Variants in EML5 observed in about 807,000 individuals in gnomAD.
The protein encoded by EML5 is echinoderm microtubule-associated protein-like 5.
EML5 carries 120 observed loss-of-function variants against 250.0 expected under a neutral mutation model. That is an observed-to-expected ratio of 0.48 (90% CI 0.41 to 0.56). The LOEUF (loss-of-function observed/expected upper bound fraction) is 0.56. EML5 is among the 20% of genes least tolerant of loss of function. The pLI is 0.00. For synonymous variants in EML5, 771 were observed against 806.5 expected (o/e 0.96, Z 0.75); for missense variants, 2,006 against 2,437.6 (o/e 0.82, Z 3.73).
chr14:88,782,341 C>A (rs1242027789), intron 1 of EML5, among the ~76,000 whole-genome samples: 1 of 152,096 alleles, frequency 6.6e-6, no homozygotes, highest in Non-Finnish European at 1.5e-5. Flanking sequence ...GGAAGCAGAG[C>A]ATGAAAGTTT....
At chr14:88,669,183 T>TC (rs2092390849) in intron 21 of EML5, among the ~76,000 whole-genome samples, 1 of 152,028 alleles carries the variant, frequency 6.6e-6, no homozygotes, top group African/African-American at 2.4e-5. Context: ...GATCAGGAGA[T>TC]CCCCTCCGTG....
chr14:88,737,064 C>T lies in EML5; in HGVS notation c.848-499G>A, dbSNP rs1379342484. 1.3e-5 allele frequency among the ~76,000 whole-genome samples: 2 copies of T among 152,046 alleles called. 1 individual carries two copies. The highest frequency in any genetic ancestry group is 3.9e-4 in the East Asian group (2 of 5,176). ...TTTTGTCACTCAGTAAAACTCTTTG[C>T]CTTGCTCACCTGCCAGCTGCCAGTA... On this transcript the variant is annotated intron_variant, in intron 6 of 43. Transcript: ENST00000554922.
At chr14:88,754,812 T>C (rs965359794) in intron 1 of EML5, 141 bp from the exon 2 acceptor site, 2 of 800,910 alleles carry the variant, frequency 2.5e-6, no homozygotes, top group East Asian at 2.8e-5. Context: ...TTTTAAAAAT[T>C]ATTTTTGTTG....
At chr14:88,718,146 T>TGA (rs1313699608) in intron 8 of EML5, among the ~76,000 whole-genome samples, 39 of 152,154 alleles carry the variant, frequency 2.6e-4, no homozygotes, top group Admixed American at 2.0e-4. Context: ...CATAGACAGA[T>TGA]GATCAGTTTG....
At chr14:88,736,275 G>C in intron 7 of EML5, 89 bp downstream of exon 7, 1 of 1,444,140 alleles carries the variant, frequency 6.9e-7, no homozygotes, top group Non-Finnish European at 9.6e-7. Context: ...CTGGGATTAC[G>C]GGCGTGAGCC....
intron 41 of EML5, chr14:88,617,909 A>C (rs2087999303): frequency 5.4e-6 from 1 of 183,918 alleles, no homozygotes; most frequent in South Asian, 1.4e-4. Flanking sequence ...ATAGAGAATT[A>C]ATAACAGTTG....
At position 88,717,083 on chromosome 14, in the gene EML5, C is replaced by T. The variant is rs80200024; in HGVS notation, c.1188-1888G>A. ...TACAGAGTTGATCAGAGCATACAACCGAAGAATCATTTCTAGCTGAGTGAT... is the reference window on the plus strand; with the variant it reads ...TACAGAGTTGATCAGAGCATACAACTGAAGAATCATTTCTAGCTGAGTGAT... On this transcript the variant is annotated intron_variant, in intron 8 of 43. Coordinates refer to ENST00000554922, the MANE Select transcript of EML5 (RefSeq NM_183387.3). Among the ~76,000 whole-genome samples the T allele has an allele frequency of 8.5e-3, 1,289 of 152,158 alleles. 15 individuals carry two copies. Among genetic ancestry groups the T allele is most frequent in the African/African-American group, 0.03 (1,232 of 41,510 alleles).
intron 38 of EML5, 92 bp from the exon 39 acceptor site, chr14:88,621,018 G>A (rs1422893515): frequency 1.4e-6 from 2 of 1,479,628 alleles, no homozygotes; most frequent in Non-Finnish European, 1.8e-6. Flanking sequence ...ATGCTCAACA[G>A]AATTCTGGCA....
In EML5 at chr14:88,634,170, TG is replaced by T. The variant is rs536717418; in HGVS notation, c.4357+298del. Among the ~76,000 whole-genome samples, 35 of 152,306 alleles carry T rather than the reference TG, an allele frequency of 2.3e-4. No homozygotes were observed. In the South Asian group the frequency reaches 7.2e-3, roughly 32 times the overall value. On this transcript the variant is annotated intron_variant, in intron 33 of 43. Transcript: ENST00000554922. ...TGTGATTGTGAGTTCTCATGAGATC[TG>T]CTCGTTTAAACGTGTAGTACCTCCC...
chr14:88,612,582 T>C lies in EML5; in HGVS notation c.*3236A>G, dbSNP rs904708713. 3 of 152,642 alleles carry C rather than the reference T, an allele frequency of 2.0e-5. No homozygotes were observed. The highest frequency in any genetic ancestry group is 7.2e-5 in the African/African-American group (3 of 41,454). The allele number at this position is 152,642 out of a possible 1,614,324, so 9.5% of individuals were successfully genotyped here. ...AGTCACAAGATTATAAATGTACATA[T>C]ATATTCTCACATTCTGAAAAATAAC... On this transcript the variant is annotated 3_prime_UTR_variant, in exon 44 of 44. Coordinates refer to ENST00000554922, the MANE Select transcript of EML5 (RefSeq NM_183387.3).
intron 1 of EML5, among the ~76,000 whole-genome samples, chr14:88,760,514 T>C (rs562601776): frequency 6.6e-6 from 1 of 152,204 alleles, no homozygotes; most frequent in Non-Finnish European, 1.5e-5. Context: ...TTTTACACCA[T>C]TAACCTATGT....
intron 11 of EML5, 149 bp downstream of exon 11, chr14:88,706,110 A>T: frequency 1.4e-6 from 1 of 711,804 alleles, no homozygotes; most frequent in Non-Finnish European, 2.2e-6. Flanking sequence ...AAACATATAG[A>T]ACTAATATTT....
intron 21 of EML5, among the ~76,000 whole-genome samples, chr14:88,676,882 G>A (rs143194672): frequency 6.6e-6 from 1 of 152,210 alleles, no homozygotes; most frequent in Non-Finnish European, 1.5e-5. Context: ...CAAGCAATGG[G>A]GAGAGGATTT....
chr14:88,714,980 G>T lies in EML5; in HGVS notation c.1403C>A (p.Thr468Lys). 1 of 1,612,662 alleles carries T rather than the reference G, an allele frequency of 6.2e-7. No homozygotes were observed. The highest frequency in any genetic ancestry group is 8.5e-7 in the Non-Finnish European group (1 of 1,179,566). ...AAGTCTTTTCCCATTTCCATCATTT[G>T]TCTGCAAATATCTACTGTCTGAAGA... is the stretch of plus-strand genomic sequence containing the variant. ...DWSSDSRYLQ[T>K]NDGNGKRLFY... The change falls in exon 9 of 44, where the codon ACA (threonine) becomes AAA (lysine). Residue 468 changes from threonine (T) to lysine (K), a missense_variant. By Grantham distance (78) the Thr-to-Lys change is moderately conservative (BLOSUM62 -1). Around this residue, in one of 7 missense-constraint regions of EML5, gnomAD observed 1,375 missense variants for 1,590.3 expected, o/e 0.86. Coordinates refer to ENST00000554922, the MANE Select transcript of EML5 (RefSeq NM_183387.3).
chr14:88,631,219 CTT>C (rs1180770678), intron 33 of EML5, among the ~76,000 whole-genome samples: 1 of 152,136 alleles, frequency 6.6e-6, no homozygotes, highest in Non-Finnish European at 1.5e-5. Context: ...GCTAACTTTT[CTT>C]TTTTCTTTTT....
At chr14:88,705,823 A>G (rs1294393371) in intron 11 of EML5, 4 of 637,634 alleles carry the variant, frequency 6.3e-6, no homozygotes, top group Non-Finnish European at 1.2e-5. Context: ...TGGCTCCCCA[A>G]TGACCGCTAC....
intron 1 of EML5, among the ~76,000 whole-genome samples, chr14:88,764,540 A>G (rs1475884420): frequency 6.6e-6 from 1 of 152,116 alleles, no homozygotes; most frequent in African/African-American, 2.4e-5. Context: ...ATCCTTTTCA[A>G]AGAACCAACT....
rs1031017790 is a variant in EML5, at chr14:88,792,917, C to G, written c.-414G>C. Among the ~76,000 whole-genome samples, 3 of 151,730 alleles carry G rather than the reference C, an allele frequency of 2.0e-5. No individual in the cohort carries two copies. The highest frequency in any genetic ancestry group is 2.9e-5 in the Non-Finnish European group (2 of 67,896). ...CCGCGGCTTTGTAGCCACAGCCTGG[C>G]GGACCCGCGCCGCGCACCCCGAAAC... On this transcript the variant is annotated 5_prime_UTR_variant, in exon 1 of 44. Coordinates refer to ENST00000554922, the MANE Select transcript of EML5 (RefSeq NM_183387.3). The surrounding 1 kb of genome is among the most constrained non-coding windows in gnomAD (Gnocchi z 6.9).
At chr14:88,642,782 T>C (rs1444951524) in intron 31 of EML5, 111 bp downstream of exon 31, 17 of 1,013,346 alleles carry the variant, frequency 1.7e-5, no homozygotes, top group Non-Finnish European at 2.4e-5. Flanking sequence ...CTGGAGTGTT[T>C]CTCCTACATT....
Sources: allele counts gnomAD v4.1 joint callset (sites outside exome capture counted in the v4.1 genomes callset), GRCh38; gene constraint gnomAD v4.1.1; regional missense constraint gnomAD v4.1.1; non-coding constraint Gnocchi (gnomAD v3.1); transcripts MANE v1.5; gene names NCBI Gene and HGNC (gene_info 2026-07-23, HGNC 2026-07-21).